Variants in LRRC4C observed in about 807,000 individuals in gnomAD.
LRRC4C encodes the protein leucine-rich repeat-containing protein 4C.
LRRC4C carries 5 observed loss-of-function variants against 33.6 expected under a neutral mutation model. That is an observed-to-expected ratio of 0.15 (90% CI 0.08 to 0.31). The LOEUF (loss-of-function observed/expected upper bound fraction) is 0.31, where lower values mean the gene tolerates loss of function less well. LRRC4C is among the 10% of genes least tolerant of loss of function. The pLI is 1.00. For synonymous variants in LRRC4C, 329 were observed against 302.0 expected (o/e 1.09, Z -0.93); for missense variants, 560 against 796.7 (o/e 0.70, Z 3.58).
At chr11:41,252,872 T>C (rs962620600) in intron 1 of LRRC4C, among the ~76,000 whole-genome samples, 1 of 152,098 alleles carries the variant, frequency 6.6e-6, no homozygotes. Flanking sequence ...ATGAGACTTA[T>C]TCACTACCAC....
chr11:41,437,874 C>T (rs536284950), intron 1 of LRRC4C, among the ~76,000 whole-genome samples: 21 of 151,876 alleles, frequency 1.4e-4, no homozygotes, highest in Non-Finnish European at 2.8e-4. Flanking sequence ...CCCGTCTCTA[C>T]TAAAAATACA....
intron 3 of LRRC4C, among the ~76,000 whole-genome samples, chr11:40,567,925 C>A (rs796256527): frequency 1.4e-4 from 22 of 152,238 alleles, no homozygotes; most frequent in African/African-American, 4.6e-4. Flanking sequence ...AAGCTATATT[C>A]TTCAAAGTCT....
At chr11:41,270,567 A>AT (rs1327832126) in intron 1 of LRRC4C, among the ~76,000 whole-genome samples, 1 of 152,042 alleles carries the variant, frequency 6.6e-6, no homozygotes, top group Non-Finnish European at 1.5e-5. Flanking sequence ...CCCACAGAAG[A>AT]TATTTTCAGT....
chr11:40,234,096 C>G (rs1017213687), intron 5 of LRRC4C, among the ~76,000 whole-genome samples: 2 of 152,170 alleles, frequency 1.3e-5, no homozygotes, highest in Non-Finnish European at 2.9e-5. Context: ...CAAAATAAAG[C>G]TGTCTGATCT....
chr11:40,696,707 G>A (rs564242904), intron 2 of LRRC4C, among the ~76,000 whole-genome samples: 10 of 142,470 alleles, frequency 7.0e-5, no homozygotes, highest in Admixed American at 2.8e-4. Context: ...CCTATACATT[G>A]CAGCACAGAA....
intron 1 of LRRC4C, among the ~76,000 whole-genome samples, chr11:41,123,333 C>A (rs946715996): frequency 3.1e-5 from 4 of 128,428 alleles, no homozygotes; most frequent in African/African-American, 1.3e-4. Flanking sequence ...AGTGCAGTGG[C>A]GGGATCTCGG....
intron 2 of LRRC4C, among the ~76,000 whole-genome samples, chr11:40,852,627 G>A (rs910265216): frequency 1.3e-5 from 2 of 152,040 alleles, no homozygotes; most frequent in Non-Finnish European, 1.5e-5. Context: ...AGAAGATTAG[G>A]AGAATCCAAT....
At chr11:40,607,518 C>T (rs577875326) in intron 3 of LRRC4C, among the ~76,000 whole-genome samples, 10 of 152,182 alleles carry the variant, frequency 6.6e-5, no homozygotes, top group South Asian at 2.1e-4. Flanking sequence ...GGCAGAATGA[C>T]GCAGATGGTG....
At chr11:41,315,210 C>G (rs911803883) in intron 1 of LRRC4C, among the ~76,000 whole-genome samples, 1 of 152,174 alleles carries the variant, frequency 6.6e-6, no homozygotes, top group Non-Finnish European at 1.5e-5. Context: ...ATCTGTGTTA[C>G]AGGCATATCA....
intron 3 of LRRC4C, among the ~76,000 whole-genome samples, chr11:40,531,918 A>G (rs941290902): frequency 1.1e-4 from 17 of 150,694 alleles, no homozygotes; most frequent in African/African-American, 4.2e-4. Flanking sequence ...ATTTTATAAG[A>G]AAGGATTTTG....
At chr11:40,815,936 A>C (rs138159743) in intron 2 of LRRC4C, among the ~76,000 whole-genome samples, 5 of 152,348 alleles carry the variant, frequency 3.3e-5, no homozygotes, top group African/African-American at 1.2e-4. Context: ...AGAATATAAG[A>C]TGCTTTCTAT....
At chr11:41,302,863 T>C (rs2958866) in intron 1 of LRRC4C, among the ~76,000 whole-genome samples, 61,765 of 151,894 alleles carry the variant, frequency 0.41, 13,379 homozygotes, top group Non-Finnish European at 0.49. Context: ...AAAGCATCGT[T>C]TCATTTTCTC....
intron 1 of LRRC4C, among the ~76,000 whole-genome samples, chr11:40,966,709 C>A (rs986220671): frequency 6.6e-6 from 1 of 151,856 alleles, no homozygotes; most frequent in Non-Finnish European, 1.5e-5. Flanking sequence ...CTTGATTTTT[C>A]TCTTCATTGA....
intron 1 of LRRC4C, among the ~76,000 whole-genome samples, chr11:41,034,382 C>T (rs1321176991): frequency 1.3e-5 from 2 of 149,214 alleles, no homozygotes; most frequent in South Asian, 2.1e-4. Flanking sequence ...TTACCCACTG[C>T]TATTCTGTTA....
chr11:41,043,068 CTTTTTTTTT>C (rs67605827), intron 1 of LRRC4C, among the ~76,000 whole-genome samples: 4 of 75,796 alleles, frequency 5.3e-5, no homozygotes, highest in Non-Finnish European at 9.4e-5. Context: ...CAGAATAGAC[CTTTTTTTTT>C]TTTTTTTTTT....
At chr11:40,494,120 G>A (rs909128034) in intron 3 of LRRC4C, among the ~76,000 whole-genome samples, 1 of 152,046 alleles carries the variant, frequency 6.6e-6, no homozygotes, top group Non-Finnish European at 1.5e-5. Context: ...CCATCGTGGG[G>A]TTCCACCATT....
chr11:41,070,308 A>C (rs2135418761), intron 1 of LRRC4C, among the ~76,000 whole-genome samples: 1 of 152,324 alleles, frequency 6.6e-6, no homozygotes, highest in Admixed American at 6.5e-5. Flanking sequence ...CCAAATCATA[A>C]AAACCCTAGA....
chr11:41,366,211 T>C (rs200306667), intron 1 of LRRC4C, among the ~76,000 whole-genome samples: 114 of 51,802 alleles, frequency 2.2e-3, no homozygotes, highest in East Asian at 0.017. Flanking sequence ...GATAGATAGA[T>C]AGATAGATAG....
chr11:40,960,682 A>C (rs1044259022), intron 1 of LRRC4C, among the ~76,000 whole-genome samples: 2 of 151,768 alleles, frequency 1.3e-5, no homozygotes, highest in African/African-American at 4.8e-5. Flanking sequence ...ATTTGTATAT[A>C]TTTACTGGGC....
Sources: allele counts gnomAD v4.1 joint callset (sites outside exome capture counted in the v4.1 genomes callset), GRCh38; gene constraint gnomAD v4.1.1; transcripts MANE v1.5; gene names NCBI Gene and HGNC (gene_info 2026-07-23, HGNC 2026-07-21).